The following SMARCC1 variants were observed in gnomAD, a reference collection of about 807,000 sequenced individuals.
SMARCC1 encodes SWI/SNF related BAF chromatin remodeling complex subunit C1, also known as SWI/SNF complex subunit SMARCC1.
A neutral mutation model predicts 147.4 loss-of-function variants in SMARCC1; 43 were observed. The observed-to-expected ratio is 0.29, with a 90% CI of 0.23 to 0.38. The LOEUF is 0.38. Ranked by LOEUF, SMARCC1 falls within the 10% of genes least tolerant of loss-of-function variation. SMARCC1 has a pLI of 1.00. For missense variants in SMARCC1, 1,119 were observed against 1,381.1 expected, an observed-to-expected ratio of 0.81 and a Z score of 3.01; for synonymous variants, 495 against 484.4, an observed-to-expected ratio of 1.02 and a Z score of -0.29.
chr3:47,779,288 A>T (rs2035014701), intron 1 of SMARCC1, among the ~76,000 whole-genome samples: 1 of 152,258 alleles, frequency 6.6e-6, no homozygotes, highest in Non-Finnish European at 1.5e-5. Flanking sequence ...AATCATGTTT[A>T]CTGAGACTGA....
chr3:47,732,937 G>T lies in SMARCC1; in HGVS notation c.576+3097C>A, dbSNP rs375200418. The stretch of plus-strand genomic sequence containing the variant: ...AGCCTGGCCAACACAGTGAAACCCC[G>T]TCTCTACTAAAAATACAAAAATTAG... On this transcript the variant is annotated intron_variant, in intron 5 of 27. Transcript: ENST00000254480. 4.6e-5 allele frequency among the ~76,000 whole-genome samples: 7 copies of T among 151,616 alleles called. No individual in the cohort carries two copies. In the East Asian group the frequency reaches 9.8e-4, roughly 21 times the overall value.
intron 2 of SMARCC1, among the ~76,000 whole-genome samples, chr3:47,748,076 T>C (rs1361858422): frequency 6.6e-6 from 1 of 152,050 alleles, no homozygotes; most frequent in Non-Finnish European, 1.5e-5. Flanking sequence ...GAGAATCGCT[T>C]GAACCCAGGG....
intron 14 of SMARCC1, among the ~76,000 whole-genome samples, chr3:47,681,333 G>A (rs773263790): frequency 1.3e-5 from 2 of 152,140 alleles, no homozygotes; most frequent in Non-Finnish European, 2.9e-5. Flanking sequence ...TTTGGTGGAG[G>A]TGCTGGGGAG....
intron 2 of SMARCC1, among the ~76,000 whole-genome samples, chr3:47,766,080 A>G (rs977349571): frequency 6.6e-6 from 1 of 152,134 alleles, no homozygotes; most frequent in African/African-American, 2.4e-5. Flanking sequence ...TTTGGGCATA[A>G]GGGTACATGT....
chr3:47,734,567 C>G (rs2034417384), intron 5 of SMARCC1, among the ~76,000 whole-genome samples: 1 of 152,162 alleles, frequency 6.6e-6, no homozygotes, highest in Non-Finnish European at 1.5e-5. Flanking sequence ...AAGAATGTTT[C>G]AGGAAAATTA....
At chr3:47,624,989 C>A (rs2032788029) in intron 24 of SMARCC1, among the ~76,000 whole-genome samples, 2 of 151,102 alleles carry the variant, frequency 1.3e-5, no homozygotes, top group African/African-American at 4.9e-5. Flanking sequence ...AAGATTGCGC[C>A]ACAGCACTCC....
intron 2 of SMARCC1, among the ~76,000 whole-genome samples, chr3:47,755,397 T>C (rs1005055147): frequency 2.0e-5 from 3 of 147,002 alleles, no homozygotes; most frequent in Non-Finnish European, 4.5e-5. Context: ...CTTGGGAGGC[T>C]GAGGCAGGAG....
chr3:47,741,950 G>A (rs1576428056), intron 3 of SMARCC1, among the ~76,000 whole-genome samples: 1 of 151,542 alleles, frequency 6.6e-6, no homozygotes, highest in Non-Finnish European at 1.5e-5. Context: ...GGCCTCCAGG[G>A]TATTATAGCT....
intron 25 of SMARCC1, among the ~76,000 whole-genome samples, chr3:47,611,732 A>G (rs961170804): frequency 6.6e-6 from 1 of 152,192 alleles, no homozygotes; most frequent in Non-Finnish European, 1.5e-5. Context: ...CCGACTGGGG[A>G]AAATCCCTGT....
chr3:47,590,824 GC>G lies in SMARCC1; in HGVS notation c.3056del (p.Gly1019AlafsTer5), dbSNP rs1559620379. The G allele has an allele frequency of 6.3e-7, 1 of 1,599,994 alleles. No individual in the cohort carries two copies. ...PHPPQPGQIP[G>X]PGSMMPGQHM... ...GCTGCCCGGGCATCATGGAACCTGG[GC>G]CTGGTATCTGACCTGTGGAGGGAGA... On this transcript the variant is annotated frameshift_variant, in exon 27 of 28. Transcript: ENST00000254480. LOFTEE classifies it high-confidence loss of function.
intron 19 of SMARCC1, chr3:47,664,010 C>A: frequency 1.3e-6 from 1 of 792,004 alleles, no homozygotes; most frequent in Non-Finnish European, 2.0e-6. Flanking sequence ...TACCATGGGA[C>A]TTACTCCCTC....
intron 21 of SMARCC1, among the ~76,000 whole-genome samples, chr3:47,648,241 T>G (rs2033143547): frequency 6.6e-6 from 1 of 152,304 alleles, no homozygotes; most frequent in East Asian, 1.9e-4. Context: ...GTGATCTGTA[T>G]GCCTCAGCCT....
At chr3:47,695,053 G>A (rs901421234) in intron 11 of SMARCC1, among the ~76,000 whole-genome samples, 5 of 152,256 alleles carry the variant, frequency 3.3e-5, no homozygotes, top group Admixed American at 2.0e-4. Flanking sequence ...ACATAGTAAC[G>A]GGAAAAAATG....
chr3:47,620,681 T>C (rs954211221), intron 25 of SMARCC1, among the ~76,000 whole-genome samples: 1 of 152,148 alleles, frequency 6.6e-6, no homozygotes, highest in South Asian at 2.1e-4. Flanking sequence ...CAGGGAATGC[T>C]ACGTACAAGA....
chr3:47,591,699 C>T (rs747053132), intron 26 of SMARCC1, among the ~76,000 whole-genome samples: 8 of 151,978 alleles, frequency 5.3e-5, no homozygotes, highest in East Asian at 1.9e-4. Flanking sequence ...CCCACCACCA[C>T]GCCCAGCTAT....
chr3:47,696,081 G>A (rs919476793), intron 11 of SMARCC1, among the ~76,000 whole-genome samples: 2 of 140,978 alleles, frequency 1.4e-5, no homozygotes, highest in African/African-American at 5.2e-5. Context: ...AAAAAAAGGG[G>A]GGGGGGGGGC....
chr3:47,766,668 A>T (rs1164980382), intron 2 of SMARCC1, among the ~76,000 whole-genome samples: 1 of 152,206 alleles, frequency 6.6e-6, no homozygotes, highest in Non-Finnish European at 1.5e-5. Flanking sequence ...TTGTGGGAAA[A>T]TTAGAAACTT....
chr3:47,620,733 A>G (rs111671941), intron 25 of SMARCC1, among the ~76,000 whole-genome samples: 26 of 152,236 alleles, frequency 1.7e-4, no homozygotes, highest in Non-Finnish European at 3.2e-4. Context: ...AGTATAGGAG[A>G]GGGAAGAGAA....
At chr3:47,739,862 C>T (rs147447900) in intron 3 of SMARCC1, among the ~76,000 whole-genome samples, 4 of 152,114 alleles carry the variant, frequency 2.6e-5, no homozygotes, top group Non-Finnish European at 4.4e-5. Flanking sequence ...CTCTATAAAG[C>T]TAAGCCTATC....
Sources: gnomAD v4.1 joint callset for allele counts (sites outside exome capture counted in the v4.1 genomes callset) on GRCh38, gnomAD v4.1.1 for gene constraint, MANE v1.5 for transcripts, NCBI Gene and HGNC (gene_info 2026-07-23, HGNC 2026-07-21) for gene names.